IMMP2L: variants seen among roughly 807,000 people sequenced by gnomAD.
The protein encoded by IMMP2L is inner mitochondrial membrane peptidase subunit 2.
Under a neutral mutation model 19.3 loss-of-function variants are expected in IMMP2L, and 18 were observed. The observed-to-expected ratio is 0.93, with a 90% CI of 0.64 to 1.38. IMMP2L has a LOEUF of 1.38. Among genes scored for constraint, IMMP2L ranks in the 40% most tolerant of loss-of-function variants. IMMP2L has a pLI of 0.00. For synonymous variants in IMMP2L, 76 were observed against 73.0 expected (o/e 1.04, Z -0.21); for missense variants, 233 against 218.2 (o/e 1.07, Z -0.43).
intron 3 of IMMP2L, among the ~76,000 whole-genome samples, chr7:111,144,868 C>T (rs1050314430): frequency 1.3e-5 from 2 of 152,052 alleles, no homozygotes; most frequent in African/African-American, 4.8e-5. Context: ...AGCAAATGAT[C>T]ATTAAATATA....
intron 3 of IMMP2L, among the ~76,000 whole-genome samples, chr7:111,145,366 T>G (rs1020479349): frequency 2.0e-5 from 3 of 152,068 alleles, no homozygotes; most frequent in Non-Finnish European, 2.9e-5. Flanking sequence ...CTTTTCAATT[T>G]TATCTTTGTA....
intron 3 of IMMP2L, among the ~76,000 whole-genome samples, chr7:111,474,077 A>C (rs993038317): frequency 2.6e-5 from 4 of 152,164 alleles, no homozygotes; most frequent in African/African-American, 9.7e-5. Flanking sequence ...AGGAACAGAG[A>C]ACCAAATATT....
intron 3 of IMMP2L, among the ~76,000 whole-genome samples, chr7:111,451,478 T>G (rs542805901): frequency 2.2e-5 from 3 of 139,256 alleles, no homozygotes; most frequent in Non-Finnish European, 4.6e-5. Context: ...AACCAAACAC[T>G]GCATATTCTC....
intron 5 of IMMP2L, among the ~76,000 whole-genome samples, chr7:110,675,723 G>A (rs777764190): frequency 2.0e-5 from 3 of 151,846 alleles, no homozygotes; most frequent in African/African-American, 7.3e-5. Context: ...AATAAATTTG[G>A]TTCCTCATCA....
chr7:111,488,569 C>T (rs926314352), intron 2 of IMMP2L, among the ~76,000 whole-genome samples: 1 of 152,124 alleles, frequency 6.6e-6, no homozygotes, highest in Admixed American at 6.6e-5. Context: ...TCTTTATCCA[C>T]TCGTTGACTG....
intron 3 of IMMP2L, among the ~76,000 whole-genome samples, chr7:111,403,402 A>G (rs1271763133): frequency 6.6e-6 from 1 of 151,822 alleles, no homozygotes; most frequent in Non-Finnish European, 1.5e-5. Context: ...ACCCAGTCTC[A>G]GGTAGTTCTT....
chr7:111,269,852 C>A (rs1395310020), intron 3 of IMMP2L, among the ~76,000 whole-genome samples: 3 of 152,090 alleles, frequency 2.0e-5, no homozygotes, highest in African/African-American at 7.2e-5. Flanking sequence ...CCTGGAGTTG[C>A]ACCATTTTTG....
Position 111,439,386 on chromosome 7 carries a change from A to G in IMMP2L, c.239+47852T>C, listed in dbSNP as rs1219800608. 3.9e-5 allele frequency among the ~76,000 whole-genome samples: 6 copies of G among 151,920 alleles called. No individual in the cohort carries two copies. In the East Asian group the frequency reaches 1.2e-3, roughly 29 times the overall value. On this transcript the variant is annotated intron_variant, in intron 3 of 5. Transcript: ENST00000405709. ...CTGGTACTCACACATTACATCAAGG[A>G]AAGACCTCAGAGGTACACACACCAG...
intron 5 of IMMP2L, among the ~76,000 whole-genome samples, chr7:110,735,781 A>C (rs1192242490): frequency 7.7e-6 from 1 of 130,214 alleles, no homozygotes; most frequent in Non-Finnish European, 1.6e-5. Flanking sequence ...TGGCAGATGA[A>C]GGTTGCAATG....
intron 3 of IMMP2L, among the ~76,000 whole-genome samples, chr7:111,420,549 C>T (rs1835395393): frequency 6.9e-6 from 1 of 145,338 alleles, no homozygotes; most frequent in Admixed American, 6.9e-5. Context: ...AACGCTATCC[C>T]TCCCCCAGCC....
intron 5 of IMMP2L, among the ~76,000 whole-genome samples, chr7:110,701,341 C>A (rs1328931863): frequency 6.6e-6 from 1 of 152,144 alleles, no homozygotes; most frequent in Non-Finnish European, 1.5e-5. Context: ...CTATTTAGTG[C>A]TTACTAAGTG....
At chr7:110,954,510 T>C (rs1176603840) in intron 4 of IMMP2L, among the ~76,000 whole-genome samples, 1 of 152,108 alleles carries the variant, frequency 6.6e-6, no homozygotes, top group East Asian at 1.9e-4. Context: ...ATCTGATACT[T>C]ACTGAACACA....
At chr7:110,908,027 T>A (rs1347537619) in intron 4 of IMMP2L, among the ~76,000 whole-genome samples, 1 of 152,206 alleles carries the variant, frequency 6.6e-6, no homozygotes, top group African/African-American at 2.4e-5. Flanking sequence ...ACATTCATCA[T>A]GGATACATTT....
At chr7:111,518,849 C>T (rs1846096464) in intron 2 of IMMP2L, among the ~76,000 whole-genome samples, 1 of 152,076 alleles carries the variant, frequency 6.6e-6, no homozygotes, top group Admixed American at 6.6e-5. Flanking sequence ...GAATTCCATT[C>T]TACTTTGATT....
chr7:110,973,754 G>A (rs898160193), intron 3 of IMMP2L, among the ~76,000 whole-genome samples: 1 of 152,106 alleles, frequency 6.6e-6, no homozygotes, highest in Non-Finnish European at 1.5e-5. Flanking sequence ...AGGCTTGCCT[G>A]CTTTTCAGAG....
At chr7:110,789,057 A>G (rs1350122452) in intron 5 of IMMP2L, among the ~76,000 whole-genome samples, 2 of 151,754 alleles carry the variant, frequency 1.3e-5, no homozygotes, top group South Asian at 2.1e-4. Flanking sequence ...AGCTGTGTGT[A>G]GGTGTTCCAG....
At chr7:111,077,754 C>T (rs950058795) in intron 3 of IMMP2L, among the ~76,000 whole-genome samples, 5 of 152,190 alleles carry the variant, frequency 3.3e-5, no homozygotes, top group Non-Finnish European at 5.9e-5. Flanking sequence ...AATTCCTTTC[C>T]ATGGTTCGCA....
At chr7:111,044,796 C>T (rs1402396471) in intron 3 of IMMP2L, among the ~76,000 whole-genome samples, 1 of 152,008 alleles carries the variant, frequency 6.6e-6, no homozygotes, top group Non-Finnish European at 1.5e-5. Context: ...TGTAAGTGGG[C>T]TTTAAGTGAA....
Position 111,403,002 on chromosome 7 carries a change from CCA to C in IMMP2L, c.239+84234_239+84235del, listed in dbSNP as rs897252021. On this transcript the variant is annotated intron_variant, in intron 3 of 5. Transcript: ENST00000405709. ...TCACTGCAGCCTTGACCCCCCCCCC[CCA>C]CCCCGCCAGGCTCAGGTGATCCTCC... Among the ~76,000 whole-genome samples, 99 of 106,314 alleles carry C rather than the reference CCA, an allele frequency of 9.3e-4. 1 individual carries two copies. Among genetic ancestry groups the C allele is most frequent in the African/African-American group, 3.8e-3 (94 of 24,468 alleles). 69.7% of individuals were successfully genotyped at this position (106,314 alleles called of 152,430 possible).
Sources: allele counts gnomAD v4.1 joint callset (sites outside exome capture counted in the v4.1 genomes callset), GRCh38; gene constraint gnomAD v4.1.1; transcripts MANE v1.5; gene names NCBI Gene and HGNC (gene_info 2026-07-23, HGNC 2026-07-21).